C1QL3: variants seen among roughly 807,000 people sequenced by gnomAD.
The protein encoded by C1QL3 is complement C1q-like protein 3.
Under a neutral mutation model 16.6 loss-of-function variants are expected in C1QL3, and 4 were observed. The ratio of observed to expected loss-of-function variants is 0.24; its 90% CI spans 0.12 to 0.55. C1QL3 has a LOEUF of 0.55. Among genes scored for constraint, C1QL3 ranks in the 20% least tolerant of loss-of-function variants. C1QL3 has a pLI of 0.94. For missense variants in C1QL3, 269 were observed against 365.6 expected (o/e 0.74, Z 2.16); for synonymous variants, 189 against 160.2 (o/e 1.18, Z -1.36).
intron 1 of C1QL3, among the ~76,000 whole-genome samples, chr10:16,515,088 G>A (rs1836929081): frequency 6.6e-6 from 1 of 151,996 alleles, no homozygotes; most frequent in South Asian, 2.1e-4. Context: ...AAGCCAGATA[G>A]CAATATTCTA....
In C1QL3 at chr10:16,520,465, C is replaced by G; in HGVS notation, c.588+13G>C. 6.5e-7 allele frequency: 1 copy of G among 1,527,440 alleles called. No homozygotes were observed. The highest frequency in any genetic ancestry group is 8.9e-7 in the Non-Finnish European group (1 of 1,126,928). The allele number at this position is 1,527,440 out of a possible 1,614,324, so 94.6% of individuals were successfully genotyped here. A position where few individuals can be genotyped will look rare whatever the true frequency, so the allele number is the denominator to read the frequency against. ...CTCCCTCCCCGCCCTCCCCGCCGCC[C>G]GCCCGCGCTCACCTGGTTGTTTTTG... On this transcript the variant is annotated intron_variant, in intron 1 of 1. Transcript: ENST00000298943. This position sits in a 1 kb window ranked among gnomAD's most constrained non-coding sequence, Gnocchi z 8.3.
chr10:16,514,255 T>C lies in C1QL3; in HGVS notation c.*273A>G, dbSNP rs1045634921. On this transcript the variant is annotated 3_prime_UTR_variant, in exon 2 of 2. Coordinates refer to ENST00000298943, the MANE Select transcript of C1QL3 (RefSeq NM_001010908.2). ...TGTCTTAGATTTGTCTATAAAAATT[T>C]GTGATCTATATAGGACTTCATTCAC... The C allele has an allele frequency of 5.5e-5, 24 of 437,934 alleles. No individual in the cohort carries two copies. Among genetic ancestry groups the C allele is most frequent in the African/African-American group, 4.0e-4 (20 of 49,498 alleles). 27.1% of individuals were successfully genotyped at this position (437,934 alleles called of 1,614,324 possible). A position where few individuals can be genotyped will look rare whatever the true frequency, so the allele number is the denominator to read the frequency against.
rs938752601 is a variant in C1QL3, at chr10:16,520,820, C to T, written c.246G>A (p.Gly82=). Reference sequence around the variant, plus strand: ...CCGGGGGCCCCATGGGGCCGGGTGGCCCGGGCTCTCCGGGGGGCCCGCGCG... The same window carrying T: ...CCGGGGGCCCCATGGGGCCGGGTGGTCCGGGCTCTCCGGGGGGCCCGCGCG... ...AGPRGPPGEP[G]PPGPMGPPGE... is the part of the protein sequence containing the mutation. Residue 82 remains glycine, a synonymous_variant, in exon 1 of 2, where the codon GGG becomes GGA. Transcript: ENST00000298943. This position sits in a 1 kb window ranked among gnomAD's most constrained non-coding sequence, Gnocchi z 8.3. 3.7e-6 allele frequency: 5 copies of T among 1,361,670 alleles called. No homozygotes were observed. In the South Asian group the frequency reaches 5.3e-5, roughly 14 times the overall value. The allele number at this position is 1,361,670 out of a possible 1,614,324, so 84.3% of individuals were successfully genotyped here.
intron 1 of C1QL3, among the ~76,000 whole-genome samples, chr10:16,519,019 C>A (rs1037386765): frequency 6.6e-6 from 1 of 151,856 alleles, no homozygotes; most frequent in African/African-American, 2.4e-5. Flanking sequence ...CCTGTCAGTG[C>A]CTCCTGGTGG....
intron 1 of C1QL3, among the ~76,000 whole-genome samples, chr10:16,520,000 G>A (rs995569307): frequency 2.6e-5 from 4 of 151,996 alleles, no homozygotes; most frequent in Non-Finnish European, 5.9e-5. Flanking sequence ...CATTCCTTCG[G>A]GGCCCTTGTT....
chr10:16,514,645 C>A lies in C1QL3; in HGVS notation c.651G>T (p.Val217=), dbSNP rs748536717. The change falls in exon 2 of 2, where the codon GTG becomes GTT. Residue 217 remains valine (V), a synonymous_variant. Coordinates refer to ENST00000298943, the MANE Select transcript of C1QL3 (RefSeq NM_001010908.2). ...DQNYDYASNS[V]VLHLEPGDEV... ...CATCTCCCGGCTCCAAATGAAGAAC[C>A]ACACTGTTACTGGCATAGTCGTAAT... 8.1e-6 allele frequency: 13 copies of A among 1,613,904 alleles called. No homozygotes were observed. In the South Asian group the frequency reaches 8.8e-5, roughly 11 times the overall value.
chr10:16,515,983 T>G (rs1203297330), intron 1 of C1QL3, among the ~76,000 whole-genome samples: 3 of 152,276 alleles, frequency 2.0e-5, no homozygotes, highest in East Asian at 3.9e-4. Context: ...TTTCAAAATT[T>G]AAATGATGAG....
chr10:16,517,163 C>A (rs2133538881), intron 1 of C1QL3, among the ~76,000 whole-genome samples: 1 of 152,320 alleles, frequency 6.6e-6, no homozygotes, highest in South Asian at 2.1e-4. Context: ...TAAGATCCAT[C>A]CTTCCTTCAG....
chr10:16,516,012 T>C (rs1049278064), intron 1 of C1QL3, among the ~76,000 whole-genome samples: 2 of 152,158 alleles, frequency 1.3e-5, no homozygotes, highest in African/African-American at 2.4e-5. Context: ...TTAAATTTTC[T>C]TGTGATATAG....
chr10:16,516,517 C>A (rs1445916932), intron 1 of C1QL3, among the ~76,000 whole-genome samples: 2 of 152,092 alleles, frequency 1.3e-5, no homozygotes, highest in African/African-American at 4.8e-5. Context: ...TAGTTATCAA[C>A]CCATAATATA....
At position 16,520,334 on chromosome 10, in the gene C1QL3, G is replaced by C. The variant is rs1220391917; in HGVS notation, c.588+144C>G. The C allele has an allele frequency of 7.9e-6, 5 of 634,304 alleles. No individual in the cohort carries two copies. Among genetic ancestry groups the C allele is most frequent in the Non-Finnish European group, 1.0e-5 (4 of 382,006 alleles). 39.3% of individuals were successfully genotyped at this position (634,304 alleles called of 1,614,324 possible). A position where few individuals can be genotyped will look rare whatever the true frequency, so the allele number is the denominator to read the frequency against. On this transcript the variant is annotated intron_variant, in intron 1 of 1. Transcript: ENST00000298943. The surrounding 1 kb of genome is among the most constrained non-coding windows in gnomAD (Gnocchi z 8.3). ...CCCCGCCTCTCCAGGGTGGGACGGC[G>C]TCCCCCCTTGCCGTCGCTCCAGGGA...
chr10:16,515,350 T>C (rs888212097), intron 1 of C1QL3, among the ~76,000 whole-genome samples: 2 of 152,070 alleles, frequency 1.3e-5, no homozygotes, highest in African/African-American at 4.8e-5. Context: ...ATCACCTGAG[T>C]TTTCAGAGTT....
Position 16,521,079 on chromosome 10 carries a change from G to A in C1QL3, c.-14C>T. 1 of 1,587,988 alleles carries A rather than the reference G, an allele frequency of 6.3e-7. No individual in the cohort carries two copies. Among genetic ancestry groups the A allele is most frequent in the East Asian group, 2.3e-5 (1 of 43,902 alleles). ...CAGCAGCACCATCACCACCCCCAGC[G>A]CCCCGGCGGCGATCAGGCGCCTCCT... On this transcript the variant is annotated 5_prime_UTR_variant, in exon 1 of 2. Transcript: ENST00000298943.
chr10:16,514,719 A>C lies in C1QL3; in HGVS notation c.589-12T>G. On this transcript the variant is annotated splice_polypyrimidine_tract_variant and intron_variant, in intron 1 of 1. Coordinates refer to ENST00000298943, the MANE Select transcript of C1QL3 (RefSeq NM_001010908.2). ...GCACTAGCACGCACCTATGTGAAAC[A>C]GACAAGAATTAGGATGCGTAAATGA... The C allele has an allele frequency of 6.3e-7, 1 of 1,598,614 alleles. No individual in the cohort carries two copies. Among genetic ancestry groups the C allele is most frequent in the Non-Finnish European group, 8.5e-7 (1 of 1,172,492 alleles).
rs1452790987 is a variant in C1QL3 at position 16,521,245 on chromosome 10, G to T, written c.-180C>A. On this transcript the variant is annotated 5_prime_UTR_variant, in exon 1 of 2. Coordinates refer to ENST00000298943, the MANE Select transcript of C1QL3 (RefSeq NM_001010908.2). ...TCCCCTGGGCGTGCGTGCGCCGGCC[G>T]CTGCTGCCGACTCCTGCTCCCCCCG... The T allele has an allele frequency of 6.9e-6, 4 of 579,530 alleles. No homozygotes were observed. The highest frequency in any genetic ancestry group is 1.2e-5 in the Non-Finnish European group (4 of 338,692). The allele number at this position is 579,530 out of a possible 1,614,324, so 35.9% of individuals were successfully genotyped here.
Position 16,520,970 on chromosome 10 carries a change from G to A in C1QL3, c.96C>T (p.Cys32=). Residue 32 remains cysteine (C), a synonymous_variant, in exon 1 of 2, where the codon TGC becomes TGT. Transcript: ENST00000298943. The surrounding 1 kb of genome is among the most constrained non-coding windows in gnomAD (Gnocchi z 8.3). ...GCGCCTTGGTGCCCCCGTAGGGGTC[G>A]CAGACCATGCGGCAGGTGCCCAGCA... is the stretch of plus-strand genomic sequence containing the variant. ...YEMLGTCRMV[C]DPYGGTKAPS... is the part of the protein sequence containing the mutation. 6.3e-7 allele frequency: 1 copy of A among 1,587,856 alleles called. No homozygotes were observed. The highest frequency in any genetic ancestry group is 1.1e-5 in the South Asian group (1 of 88,528).
In C1QL3 at chr10:16,514,635, A is replaced by G. The variant is rs1278268969; in HGVS notation, c.661T>C (p.Leu221=). The change falls in exon 2 of 2, where the codon TTG becomes CTG. Residue 221 remains leucine (L), a synonymous_variant. Coordinates refer to ENST00000298943, the MANE Select transcript of C1QL3 (RefSeq NM_001010908.2). The part of the protein sequence containing the change: ...DYASNSVVLH[L]EPGDEVYIKL... ...ATATAGACTTCATCTCCCGGCTCCAAATGAAGAACCACACTGTTACTGGCA... is the reference window on the plus strand; with the variant it reads ...ATATAGACTTCATCTCCCGGCTCCAGATGAAGAACCACACTGTTACTGGCA... The G allele has an allele frequency of 4.3e-6, 7 of 1,613,924 alleles. No homozygotes were observed. In the East Asian group the frequency reaches 6.7e-5, roughly 15 times the overall value.
intron 1 of C1QL3, among the ~76,000 whole-genome samples, chr10:16,519,140 C>CTGTTTTTTTTTTTT (rs1836996489): frequency 2.5e-5 from 1 of 39,476 alleles, no homozygotes; most frequent in African/African-American, 1.5e-4. Context: ...GCATTTAGGA[C>CTGTTTTTTTTTTTT]TTTTTTTTTT....
Position 16,520,061 on chromosome 10 carries a change from C to G in C1QL3, c.588+417G>C, listed in dbSNP as rs373758640. Among the ~76,000 whole-genome samples, 4 of 152,246 alleles carry G rather than the reference C, an allele frequency of 2.6e-5. No individual in the cohort carries two copies. The highest frequency in any genetic ancestry group is 9.6e-5 in the African/African-American group (4 of 41,546). ...CCCCGAGTCGGTCACCCTGCCACGC[C>G]CATTCCGGACTCCCCCAGGCCTCTC... is the stretch of plus-strand genomic sequence containing the variant. On this transcript the variant is annotated intron_variant, in intron 1 of 1. Transcript: ENST00000298943. The surrounding 1 kb of genome is among the most constrained non-coding windows in gnomAD (Gnocchi z 8.3).
Sources: gnomAD v4.1 joint callset for allele counts (sites outside exome capture counted in the v4.1 genomes callset) on GRCh38, gnomAD v4.1.1 for gene constraint, Gnocchi (gnomAD v3.1) non-coding constraint, MANE v1.5 for transcripts, NCBI Gene and HGNC (gene_info 2026-07-23, HGNC 2026-07-21) for gene names.